Variants in SLC16A5 observed in about 807,000 individuals in gnomAD.
SLC16A5 encodes the protein solute carrier family 16 member 5.
Under a neutral mutation model 33.2 loss-of-function variants are expected in SLC16A5, and 29 were observed. That is an observed-to-expected ratio of 0.87 (90% CI 0.65 to 1.19). The LOEUF is 1.19. Among genes scored for constraint, SLC16A5 ranks in the 50% most tolerant of loss-of-function variants. SLC16A5 has a pLI of 0.00. For synonymous variants in SLC16A5, 248 were observed against 284.1 expected (o/e 0.87, Z 1.28); for missense variants, 606 against 678.2 (o/e 0.89, Z 1.18).
At chr17:75,108,592 C>T (rs903682049), downstream of SLC16A5, among the ~76,000 whole-genome samples, 2 of 148,200 alleles carry the variant, frequency 1.3e-5, no homozygotes, top group East Asian at 3.9e-4. Flanking sequence ...AACAGAGAGG[C>T]TCTCTCAAAG....
chr17:75,098,908 A>G (rs4261583), intron 4 of SLC16A5, among the ~76,000 whole-genome samples: 115,924 of 151,840 alleles, frequency 0.76, 44,973 homozygotes, highest in African/African-American at 0.84. Context: ...GCATAAGGAT[A>G]GGGAGGAGGT....
In SLC16A5 at chr17:75,093,739, G is replaced by C; in HGVS notation, c.103G>C (p.Gly35Arg). 1 of 1,614,130 alleles carries C rather than the reference G, an allele frequency of 6.2e-7. No individual in the cohort carries two copies. The highest frequency in any genetic ancestry group is 8.5e-7 in the Non-Finnish European group (1 of 1,179,984). Residue 35 changes from glycine (G) to arginine (R), a missense_variant, in exon 3 of 7, where the codon GGC becomes CGC. By Grantham distance (125) the Gly-to-Arg change is moderately radical. Coordinates refer to ENST00000329783, the MANE Select transcript of SLC16A5 (RefSeq NM_004695.4). ...CACCCTGGGCTTCCCCACGTGTATC[G>C]GCATCTTCTTCACTGAATTGCAATG... ...GLTLGFPTCI[G>R]IFFTELQWEF...
chr17:75,106,299 G>T, downstream of SLC16A5: 1 of 285,362 alleles, frequency 3.5e-6, no homozygotes. Flanking sequence ...ATGCTCTGAA[G>T]GGAGAGTGCT....
chr17:75,093,554 G>A, intron 2 of SLC16A5, 35 bp from the exon 3 acceptor site: 1 of 1,547,556 alleles, frequency 6.5e-7, no homozygotes, highest in African/African-American at 1.4e-5. Flanking sequence ...CGGACAGCCT[G>A]CTGACCACCA....
intron 6 of SLC16A5, chr17:75,105,449 C>G: frequency 1.0e-6 from 1 of 985,384 alleles, no homozygotes; most frequent in Non-Finnish European, 1.2e-6. Context: ...CCTCCAGAGG[C>G]CCCCCTTTTC....
chr17:75,093,608 T>A lies in SLC16A5; in HGVS notation c.-29T>A, dbSNP rs2073673041. 6.9e-6 allele frequency: 11 copies of A among 1,595,514 alleles called. No homozygotes were observed. The East Asian group carries it at 2.2e-4, about 33-fold the overall frequency. ...CCCCAGGCAGCAGCCACATTGGCAGTGAGGCCGTGGCAGCGTCGGCAGCAG... is the reference window on the plus strand; with the variant it reads ...CCCCAGGCAGCAGCCACATTGGCAGAGAGGCCGTGGCAGCGTCGGCAGCAG... On this transcript the variant is annotated 5_prime_UTR_variant, in exon 3 of 7. It removes the in-frame stop codon of an upstream open reading frame in the 5' UTR. Coordinates refer to ENST00000329783, the MANE Select transcript of SLC16A5 (RefSeq NM_004695.4).
chr17:75,093,710 G>A lies in SLC16A5; in HGVS notation c.74G>A (p.Gly25Asp), dbSNP rs1334796245. 8.1e-6 allele frequency: 13 copies of A among 1,613,880 alleles called. No individual in the cohort carries two copies. The highest frequency in any genetic ancestry group is 1.1e-5 in the Non-Finnish European group (13 of 1,179,958). The change falls in exon 3 of 7, where the codon GGC becomes GAC. Residue 25 changes from glycine to aspartate, a missense_variant. Gly to Asp is a moderately conservative substitution (Grantham distance 94, BLOSUM62 -1). Coordinates refer to ENST00000329783, the MANE Select transcript of SLC16A5 (RefSeq NM_004695.4). ...CTGCTGGCCACCATGGTGACCCAGGGCCTCACCCTGGGCTTCCCCACGTGT... is the reference window on the plus strand; with the variant it reads ...CTGCTGGCCACCATGGTGACCCAGGACCTCACCCTGGGCTTCCCCACGTGT... ...VVLLATMVTQ[G>D]LTLGFPTCIG...
downstream of SLC16A5, chr17:75,110,000 C>T (rs2073894788): frequency 2.7e-6 from 1 of 367,312 alleles, no homozygotes. The surrounding 1 kb of genome is among the most constrained non-coding windows in gnomAD (Gnocchi z 5.0). Context: ...GGACGGTGCG[C>T]CAGTGCCCCC....
chr17:75,105,417 C>A, intron 6 of SLC16A5: 2 of 985,418 alleles, frequency 2.0e-6, no homozygotes, highest in Non-Finnish European at 2.4e-6. Context: ...GCAAGGGAAG[C>A]TCTTTTACTC....
Position 75,106,093 on chromosome 17 carries a change from C to A in SLC16A5, c.*60C>A. The A allele has an allele frequency of 1.3e-6, 1 of 781,790 alleles. No homozygotes were observed. Among genetic ancestry groups the A allele is most frequent in the Non-Finnish European group, 2.0e-6 (1 of 504,360 alleles). The allele number at this position is 781,790 out of a possible 1,614,324, so 48.4% of individuals were successfully genotyped here. A position where few individuals can be genotyped will look rare whatever the true frequency, so the allele number is the denominator to read the frequency against. ...GAGTTGGGCAAATTGTTGACCACCT[C>A]TGAGCCTTGAAAAAGTAGGAGGTTA... On this transcript the variant is annotated 3_prime_UTR_variant, in exon 7 of 7. Transcript: ENST00000329783.
At position 75,093,732 on chromosome 17, in the gene SLC16A5, G is replaced by A. The variant is rs144316838; in HGVS notation, c.96G>A (p.Thr32=). 1.5e-4 allele frequency: 235 copies of A among 1,614,176 alleles called. No homozygotes were observed. The highest frequency in any genetic ancestry group is 1.0e-3 in the African/African-American group (75 of 75,054). Residue 32 remains threonine (T), a synonymous_variant, in exon 3 of 7, where the codon ACG becomes ACA. Transcript: ENST00000329783. ...VTQGLTLGFP[T]CIGIFFTELQ... ...AGGGCCTCACCCTGGGCTTCCCCAC[G>A]TGTATCGGCATCTTCTTCACTGAAT...
chr17:75,105,019 T>C (rs1358301819), intron 6 of SLC16A5: 1 of 985,358 alleles, frequency 1.0e-6, no homozygotes, highest in Non-Finnish European at 1.2e-6. Flanking sequence ...TCTAGGTTCC[T>C]CCTGCCCTGC....
intron 2 of SLC16A5, among the ~76,000 whole-genome samples, chr17:75,092,433 T>A (rs1241606631): frequency 6.6e-6 from 1 of 151,372 alleles, no homozygotes; most frequent in Non-Finnish European, 1.5e-5. Context: ...CTCAGCTCAC[T>A]GCAACCTCCG....
chr17:75,103,983 C>G lies in SLC16A5; in HGVS notation c.1167C>G (p.Asp389Glu). The G allele has an allele frequency of 6.2e-7, 1 of 1,614,066 alleles. No homozygotes were observed. The highest frequency in any genetic ancestry group is 8.5e-7 in the Non-Finnish European group (1 of 1,179,958). Residue 389 changes from aspartate to glutamate, a missense_variant, in exon 6 of 7, where the codon GAC (aspartate) becomes GAG (glutamate). By Grantham distance (45) the Asp-to-Glu change is conservative. Coordinates refer to ENST00000329783, the MANE Select transcript of SLC16A5 (RefSeq NM_004695.4). ...TCTGTTCCCCAGGGTTGCTCCTGGACGCCACCAACAACTTTAGCTATGTTT... is the reference window on the plus strand; with the variant it reads ...TCTGTTCCCCAGGGTTGCTCCTGGAGGCCACCAACAACTTTAGCTATGTTT... Reference protein sequence around the residue: ...ISPPLAGLLLDATNNFSYVFY... With the variant: ...ISPPLAGLLLEATNNFSYVFY...
Position 75,093,661 on chromosome 17 carries a change from G to A in SLC16A5, c.25G>A (p.Asp9Asn), listed in dbSNP as rs754348006. 4 of 1,613,024 alleles carry A rather than the reference G, an allele frequency of 2.5e-6. No homozygotes were observed. In the African/African-American group the frequency reaches 5.3e-5, roughly 22 times the overall value. Residue 9 changes from aspartate to asparagine, a missense_variant, in exon 3 of 7, where the codon GAT becomes AAT. Transcript: ENST00000329783. MPQALERA[D>N]GSWAWVVLLA... ...GATGCCCCAGGCCCTGGAGCGTGCA[G>A]ATGGCAGCTGGGCCTGGGTGGTGCT... is the stretch of plus-strand genomic sequence containing the variant.
intron 3 of SLC16A5, among the ~76,000 whole-genome samples, chr17:75,096,738 GCCAGGCTGGTCTCGAACT>G (rs2073723803): frequency 1.3e-5 from 2 of 150,824 alleles, no homozygotes; most frequent in East Asian, 3.9e-4. Flanking sequence ...TACCATGTTA[GCCAGGCTGGTCTCGAACT>G]CCTGACTTCA....
intron 2 of SLC16A5, among the ~76,000 whole-genome samples, chr17:75,090,595 C>T (rs955338188): frequency 2.6e-5 from 4 of 151,600 alleles, no homozygotes; most frequent in Non-Finnish European, 4.4e-5. Flanking sequence ...CGAGTAGCTG[C>T]GACTACAGGC....
intron 1 of SLC16A5, 115 bp from the exon 2 acceptor site, chr17:75,089,036 C>A (rs118161061): frequency 6.6e-6 from 1 of 152,244 alleles, no homozygotes; most frequent in Non-Finnish European, 1.5e-5. Context: ...AGCTTGGCAG[C>A]CCCTGGGGCC....
rs1415778152 is a variant in SLC16A5, at chr17:75,100,246, A to G, written c.583A>G (p.Ser195Gly). 6 of 1,614,192 alleles carry G rather than the reference A, an allele frequency of 3.7e-6. No homozygotes were observed. The South Asian group carries it at 5.5e-5, about 15-fold the overall frequency. ...GGCCATCATAAGGCCTGTGGCCACC[A>G]GTGTGGCCCCTGAGACCAAAGAATG... ...CGAIIRPVAT[S>G]VAPETKECPP... Residue 195 changes from serine to glycine, a missense_variant, in exon 5 of 7, where the codon AGT becomes GGT. Physicochemically the swap from Ser to Gly is moderately conservative, Grantham distance 56. Transcript: ENST00000329783.
Sources: gnomAD v4.1 joint callset for allele counts (sites outside exome capture counted in the v4.1 genomes callset) on GRCh38, gnomAD v4.1.1 for gene constraint, Gnocchi (gnomAD v3.1) non-coding constraint, MANE v1.5 for transcripts, NCBI Gene and HGNC (gene_info 2026-07-23, HGNC 2026-07-21) for gene names.